MYH15: variants seen among roughly 807,000 people sequenced by gnomAD.
MYH15 encodes the protein myosin-15.
Under a neutral mutation model 240.5 loss-of-function variants are expected in MYH15, and 227 were observed. That is an observed-to-expected ratio of 0.94 (90% CI 0.85 to 1.05). The LOEUF (loss-of-function observed/expected upper bound fraction) is 1.05. MYH15 is among the 50% of genes least tolerant of loss of function. The probability of loss-of-function intolerance (pLI) is 0.00; values close to 1 mark genes in which losing one functional copy is unlikely to be tolerated. For synonymous variants in MYH15, 785 were observed against 796.7 expected, an observed-to-expected ratio of 0.99 and a Z score of 0.25; for missense variants, 2,217 against 2,247.5, an observed-to-expected ratio of 0.99 and a Z score of 0.27.
rs1560395446 is a variant in MYH15, at chr3:108,464,782, C to T, written c.1587G>A (p.Glu529=). The change falls in exon 15 of 41, where the codon GAG becomes GAA. Residue 529 remains glutamate (E), a synonymous_variant. Coordinates refer to ENST00000693548, the MANE Select transcript of MYH15 (RefSeq NM_014981.3). ...GGTCTGTAGCCTTAGGAAACATACA[C>T]TCTTCTTCAAGGATGGAAAGGATGC... ...PMGILSILEE[E]CMFPKATDLT... The T allele has an allele frequency of 6.2e-7, 1 of 1,611,938 alleles. No individual in the cohort carries two copies. Among genetic ancestry groups the T allele is most frequent in the East Asian group, 2.2e-5 (1 of 44,804 alleles).
the MYH15 span, among the ~76,000 whole-genome samples, chr3:108,546,254 T>C: frequency 6.6e-6 from 1 of 152,210 alleles, no homozygotes; most frequent in African/African-American, 2.4e-5. Flanking sequence ...TAATTGAAGA[T>C]GAACAGTGCT....
chr3:108,420,639 G>C (rs556690975), intron 28 of MYH15, among the ~76,000 whole-genome samples: 1 of 152,112 alleles, frequency 6.6e-6, no homozygotes, highest in African/African-American at 2.4e-5. Flanking sequence ...AGAGAGAATG[G>C]GGTCCAATCA....
chr3:108,417,826 CAT>C (rs1426568495), intron 28 of MYH15, among the ~76,000 whole-genome samples: 14 of 144,508 alleles, frequency 9.7e-5, no homozygotes, highest in African/African-American at 2.8e-4. Flanking sequence ...CACACACACA[CAT>C]ATACACACTT....
chr3:108,437,316 T>C (rs1383167358), intron 25 of MYH15, among the ~76,000 whole-genome samples: 5 of 152,042 alleles, frequency 3.3e-5, no homozygotes, highest in Non-Finnish European at 7.4e-5. Flanking sequence ...TACACCATTC[T>C]TTCTCATTTG....
chr3:108,470,103 A>C lies in MYH15; in HGVS notation c.1493T>G (p.Ile498Ser), dbSNP rs1357652980. ...ACCAAAGCCAATAGACACCCATTCA[A>C]TGCTTTCTTTCTTATATTCCTCTTG... is the stretch of plus-strand genomic sequence containing the variant. ...LEQEEYKKESIEWVSIGFGLD... is the reference protein window; with the variant it reads ...LEQEEYKKESSEWVSIGFGLD... Residue 498 changes from isoleucine to serine, a missense_variant, in exon 14 of 41, where the codon ATT becomes AGT. Coordinates refer to ENST00000693548, the MANE Select transcript of MYH15 (RefSeq NM_014981.3). 1 of 1,612,328 alleles carries C rather than the reference A, an allele frequency of 6.2e-7. No homozygotes were observed. Among genetic ancestry groups the C allele is most frequent in the Non-Finnish European group, 8.5e-7 (1 of 1,179,366 alleles).
intron 1 of MYH15, among the ~76,000 whole-genome samples, chr3:108,525,523 A>G (rs2083660066): frequency 6.6e-6 from 1 of 152,152 alleles, no homozygotes; most frequent in Non-Finnish European, 1.5e-5. Flanking sequence ...TTAGCAATCT[A>G]GAAACTTCCC....
chr3:108,399,344 G>T, intron 33 of MYH15, 77 bp from the exon 34 acceptor site: 2 of 1,172,848 alleles, frequency 1.7e-6, no homozygotes, highest in Non-Finnish European at 2.4e-6. Context: ...GTTTAAAACA[G>T]TACAAGAAAC....
At chr3:108,451,521 A>T (rs2082973878) in intron 21 of MYH15, among the ~76,000 whole-genome samples, 1 of 152,200 alleles carries the variant, frequency 6.6e-6, no homozygotes, top group African/African-American at 2.4e-5. Context: ...TAACCAATAA[A>T]TAAATTGAAT....
In MYH15 at chr3:108,437,680, T is replaced by C; in HGVS notation, c.3095A>G (p.Gln1032Arg). ...ACAGTTCATTCTCGCTTTTCTCTCC[T>C]GCTCAAGGGCACCCTCAAGCTGACA... ...QVDELEGALE[Q>R]ERKARMNCER... Residue 1032 changes from glutamine (Q) to arginine (R), a missense_variant, in exon 25 of 41, where the codon CAG (glutamine) becomes CGG (arginine). Physicochemically the swap from Gln to Arg is conservative, Grantham distance 43. Transcript: ENST00000693548. 6.2e-7 allele frequency: 1 copy of C among 1,613,298 alleles called. No individual in the cohort carries two copies. The highest frequency in any genetic ancestry group is 1.7e-5 in the Admixed American group (1 of 59,828).
Position 108,499,454 on chromosome 3 carries a change from C to G in MYH15, c.524+1G>C, listed in dbSNP as rs531678894. 4.3e-6 allele frequency: 7 copies of G among 1,612,894 alleles called. No homozygotes were observed. The highest frequency in any genetic ancestry group is 5.9e-6 in the Non-Finnish European group (7 of 1,179,626). ...AAAAGAAAAACAAGGCAAACACTTA[C>G]GTGAAGAGTATAGACTGATTTTCTC... On this transcript the variant is annotated splice_donor_variant, in intron 5 of 40. Coordinates refer to ENST00000693548, the MANE Select transcript of MYH15 (RefSeq NM_014981.3). LOFTEE classifies it high-confidence loss of function.
chr3:108,514,722 C>A (rs73850511), upstream of MYH15, among the ~76,000 whole-genome samples: 1 of 152,260 alleles, frequency 6.6e-6, no homozygotes, highest in African/African-American at 2.4e-5. Context: ...TAAGCTTATA[C>A]AGCCACGACT....
chr3:108,498,207 G>T, intron 5 of MYH15, 62 bp from the exon 6 acceptor site: 1 of 1,482,414 alleles, frequency 6.7e-7, no homozygotes, highest in South Asian at 1.1e-5. Context: ...ACGAAAGTTA[G>T]GTAATTTTGA....
chr3:108,459,918 C>T (rs1256606927), intron 17 of MYH15, among the ~76,000 whole-genome samples: 1 of 152,134 alleles, frequency 6.6e-6, no homozygotes, highest in Non-Finnish European at 1.5e-5. Flanking sequence ...CTGATCCTTG[C>T]AAGCAAGAGC....
intron 1 of MYH15, among the ~76,000 whole-genome samples, chr3:108,525,784 G>T (rs986407165): frequency 1.3e-5 from 2 of 152,020 alleles, no homozygotes; most frequent in African/African-American, 4.8e-5. Flanking sequence ...TTATCTATCT[G>T]CTGTTTGGAC....
At chr3:108,508,121 T>C (rs918706370) in intron 1 of MYH15, among the ~76,000 whole-genome samples, 3 of 152,160 alleles carry the variant, frequency 2.0e-5, no homozygotes, top group Admixed American at 1.3e-4. Context: ...ATCCACCTCC[T>C]GAATCAGTGC....
intron 35 of MYH15, among the ~76,000 whole-genome samples, chr3:108,395,974 T>G (rs2082457742): frequency 6.6e-6 from 1 of 152,198 alleles, no homozygotes; most frequent in African/African-American, 2.4e-5. Context: ...ATGTTCACTT[T>G]CTAGGTCCCA....
chr3:108,419,446 G>GA (rs1336468463), intron 28 of MYH15, among the ~76,000 whole-genome samples: 2 of 152,172 alleles, frequency 1.3e-5, no homozygotes, highest in African/African-American at 4.8e-5. Flanking sequence ...AAAGTGAGTA[G>GA]AAAATTAATG....
chr3:108,531,593 A>G (rs2083710593), upstream of MYH15, among the ~76,000 whole-genome samples: 1 of 152,126 alleles, frequency 6.6e-6, no homozygotes, highest in Admixed American at 6.5e-5. Context: ...CCTAGCTAAC[A>G]TGGTGAAACC....
intron 2 of MYH15, 47 bp from the exon 3 acceptor site, chr3:108,501,902 CG>C: frequency 6.4e-7 from 1 of 1,565,354 alleles, no homozygotes; most frequent in African/African-American, 1.4e-5. Flanking sequence ...GTCTCCTATG[CG>C]TATTCATTTT....
Sources: gnomAD v4.1 joint callset for allele counts (sites outside exome capture counted in the v4.1 genomes callset) on GRCh38, gnomAD v4.1.1 for gene constraint, MANE v1.5 for transcripts, NCBI Gene and HGNC (gene_info 2026-07-23, HGNC 2026-07-21) for gene names.